ABCA5: variants seen among roughly 807,000 people sequenced by gnomAD.
The protein encoded by ABCA5 is cholesterol transporter ABCA5.
In ABCA5, 163 loss-of-function variants were observed where a neutral mutation model predicts 206.0. The observed-to-expected ratio is 0.79, with a 90% CI of 0.70 to 0.90. The LOEUF (loss-of-function observed/expected upper bound fraction) is 0.90. Among genes scored for constraint, ABCA5 ranks in the 40% least tolerant of loss-of-function variants. The pLI is 0.00. For synonymous variants in ABCA5, 609 were observed against 613.8 expected, an observed-to-expected ratio of 0.99 and a Z score of 0.11; for missense variants, 1,859 against 1,912.9, an observed-to-expected ratio of 0.97 and a Z score of 0.53.
intron 28 of ABCA5, among the ~76,000 whole-genome samples, chr17:69,256,825 A>G (rs2075088752): frequency 6.6e-6 from 1 of 152,098 alleles, no homozygotes; most frequent in African/African-American, 2.4e-5. Flanking sequence ...TTATTCAACA[A>G]TATTATTTAT....
At chr17:69,312,714 A>G (rs1392853272) in intron 3 of ABCA5, among the ~76,000 whole-genome samples, 1 of 152,184 alleles carries the variant, frequency 6.6e-6, no homozygotes, top group Non-Finnish European at 1.5e-5. Context: ...CTTCTTGAGT[A>G]GCTGGGACTA....
At position 69,250,637 on chromosome 17, in the gene ABCA5, A is replaced by C; in HGVS notation, c.4536-16T>G. 6.6e-7 allele frequency: 1 copy of C among 1,524,660 alleles called. No individual in the cohort carries two copies. Among genetic ancestry groups the C allele is most frequent in the Non-Finnish European group, 8.8e-7 (1 of 1,138,776 alleles). The allele number at this position is 1,524,660 out of a possible 1,614,324, so 94.4% of individuals were successfully genotyped here. ...TCCGATACATCTGAAGTAATTTTTT[A>C]AAAGAAAGCTCAGATATAAAATGAC... On this transcript the variant is annotated splice_polypyrimidine_tract_variant and intron_variant, in intron 35 of 38. Coordinates refer to ENST00000392676, the MANE Select transcript of ABCA5 (RefSeq NM_172232.4).
At chr17:69,258,778 A>G (rs1426331551) in intron 28 of ABCA5, among the ~76,000 whole-genome samples, 1 of 152,170 alleles carries the variant, frequency 6.6e-6, no homozygotes, top group African/African-American at 2.4e-5. Flanking sequence ...TTTTTCCAGC[A>G]TATAATTCGA....
chr17:69,285,427 A>G (rs1212532955), intron 17 of ABCA5: 2 of 152,210 alleles, frequency 1.3e-5, no homozygotes, highest in Non-Finnish European at 2.9e-5. Context: ...ATTCCTAAAC[A>G]GAGGAAGGAG....
intron 34 of ABCA5, among the ~76,000 whole-genome samples, chr17:69,252,457 C>G (rs1428721675): frequency 6.6e-6 from 1 of 151,988 alleles, no homozygotes. Flanking sequence ...ATGTTATAAC[C>G]AAAACAGGCT....
chr17:69,296,502 T>G (rs1033861963), intron 10 of ABCA5, among the ~76,000 whole-genome samples: 1 of 152,190 alleles, frequency 6.6e-6, no homozygotes, highest in African/African-American at 2.4e-5. Context: ...ACCCTAAAAA[T>G]CTATGAAATT....
At chr17:69,322,363 CAAAAAAA>C (rs3029978) in intron 1 of ABCA5, among the ~76,000 whole-genome samples, 23 of 52,382 alleles carry the variant, frequency 4.4e-4, no homozygotes, top group African/African-American at 1.7e-3. Context: ...GATTCCGTCT[CAAAAAAA>C]AAAAAAAAAA....
At position 69,264,738 on chromosome 17, in the gene ABCA5, A is replaced by G; in HGVS notation, c.3312T>C (p.Ala1104=). 1 of 1,534,414 alleles carries G rather than the reference A, an allele frequency of 6.5e-7. No individual in the cohort carries two copies. The highest frequency in any genetic ancestry group is 1.3e-5 in the South Asian group (1 of 74,318). Residue 1104 remains alanine (A), a synonymous_variant, in exon 24 of 39, where the codon GCT becomes GCC. Coordinates refer to ENST00000392676, the MANE Select transcript of ABCA5 (RefSeq NM_172232.4). ...GLYFYTVKFL[A]VVFCLIGYVP... is the part of the protein sequence containing the mutation. ...AGTACAACTAACGTTAACTTACCAC[A>G]GCAAGGAACTTTACAGTATAAAAAT...
chr17:69,271,643 G>GCTGCTGCTGCTGCTGCCACCA (rs892094179), intron 20 of ABCA5, among the ~76,000 whole-genome samples: 1 of 149,010 alleles, frequency 6.7e-6, no homozygotes, highest in African/African-American at 2.5e-5. Context: ...TATTTTAGCT[G>GCTGCTGCTGCTGCTGCCACCA]CTGCTGCTGC....
chr17:69,303,759 TAAAAAA>T (rs1176172773), intron 7 of ABCA5, among the ~76,000 whole-genome samples: 168 of 2,460 alleles, frequency 0.068, 13 homozygotes, highest in Admixed American at 0.11. Flanking sequence ...ACCTCGACTC[TAAAAAA>T]AAAAAAAAAA....
intron 23 of ABCA5, 72 bp from the exon 24 acceptor site, chr17:69,264,977 T>TTTG: frequency 9.2e-7 from 1 of 1,086,610 alleles, no homozygotes; most frequent in Non-Finnish European, 1.2e-6. Context: ...TAGTAAATTA[T>TTTG]TGTAGATCTC....
chr17:69,319,597 A>C (rs1287804201), intron 1 of ABCA5, among the ~76,000 whole-genome samples: 1 of 152,212 alleles, frequency 6.6e-6, no homozygotes, highest in Non-Finnish European at 1.5e-5. Flanking sequence ...AGAGACCCAC[A>C]GACTGGATGG....
intron 15 of ABCA5, 65 bp from the exon 16 acceptor site, chr17:69,286,376 T>C (rs544880347): frequency 1.4e-6 from 2 of 1,410,514 alleles, no homozygotes; most frequent in East Asian, 4.7e-5. Context: ...GGCATTTACA[T>C]TTTATGGTTT....
intron 1 of ABCA5, chr17:69,317,807 C>T (rs549914892): frequency 6.6e-6 from 1 of 152,186 alleles, no homozygotes; most frequent in Non-Finnish European, 1.5e-5. Context: ...CTCGATTCTT[C>T]AGAGGTTTCA....
At chr17:69,251,903 A>T in intron 34 of ABCA5, 37 bp from the exon 35 acceptor site, 1 of 1,590,370 alleles carries the variant, frequency 6.3e-7, no homozygotes. Flanking sequence ...AGAGGAACAC[A>T]TCTGTTTGTT....
At chr17:69,265,797 T>C (rs2075201034) in intron 23 of ABCA5, among the ~76,000 whole-genome samples, 1 of 152,202 alleles carries the variant, frequency 6.6e-6, no homozygotes, top group African/African-American at 2.4e-5. Context: ...GCAATTATTT[T>C]GGATAATTCA....
At chr17:69,271,613 T>C (rs2075274868) in intron 20 of ABCA5, among the ~76,000 whole-genome samples, 1 of 152,192 alleles carries the variant, frequency 6.6e-6, no homozygotes. Flanking sequence ...GTTTAGAACC[T>C]GACACATAGT....
chr17:69,247,895 A>G (rs111590266), intron 38 of ABCA5, among the ~76,000 whole-genome samples: 248 of 152,202 alleles, frequency 1.6e-3, no homozygotes, highest in African/African-American at 5.8e-3. Flanking sequence ...TTTCAAATAC[A>G]CTAATGTGAA....
intron 35 of ABCA5, chr17:69,251,098 C>T (rs931555938): frequency 6.5e-6 from 1 of 153,172 alleles, no homozygotes; most frequent in African/African-American, 2.4e-5. Context: ...TTTCTCATGA[C>T]TACACTTGGG....
Sources: allele counts gnomAD v4.1 joint callset (sites outside exome capture counted in the v4.1 genomes callset), GRCh38; gene constraint gnomAD v4.1.1; transcripts MANE v1.5; gene names NCBI Gene and HGNC (gene_info 2026-07-23, HGNC 2026-07-21).